MED1: variants seen among roughly 807,000 people sequenced by gnomAD.
MED1 encodes the protein mediator complex subunit 1, also known as mediator of RNA polymerase II transcription subunit 1.
In MED1, 17 loss-of-function variants were observed where a neutral mutation model predicts 121.3. That is an observed-to-expected ratio of 0.14 (90% CI 0.10 to 0.21). The LOEUF (loss-of-function observed/expected upper bound fraction) is 0.21, where lower values mean the gene tolerates loss of function less well. Ranked by LOEUF, MED1 falls within the 10% of genes least tolerant of loss-of-function variation. The pLI is 1.00. For missense variants in MED1, 1,558 were observed against 1,919.4 expected (o/e 0.81, Z 3.52); for synonymous variants, 661 against 694.4 (o/e 0.95, Z 0.76).
intron 16 of MED1, among the ~76,000 whole-genome samples, chr17:39,414,794 C>T (rs891014066): frequency 2.0e-5 from 3 of 151,624 alleles, no homozygotes; most frequent in Admixed American, 6.6e-5. Context: ...ATCAGCCTCC[C>T]GAGTAGCTGG....
rs143433691 is a variant in MED1 at position 39,427,212 on chromosome 17, C to T, written c.739+489G>A. Among the ~76,000 whole-genome samples the T allele has an allele frequency of 8.5e-5, 13 of 152,122 alleles. No individual in the cohort carries two copies. The East Asian group carries it at 2.1e-3, about 25-fold the overall frequency. ...TTTTTCTTTTTTTGAGATGGAGTCT[C>T]GCTCTGTCACCCAGACTGGAGTGCA... On this transcript the variant is annotated intron_variant, in intron 10 of 16. Coordinates refer to ENST00000300651, the MANE Select transcript of MED1 (RefSeq NM_004774.4).
intron 16 of MED1, 60 bp downstream of exon 16, chr17:39,414,966 C>T: frequency 6.6e-7 from 1 of 1,514,708 alleles, no homozygotes; most frequent in Non-Finnish European, 9.2e-7. Flanking sequence ...CCGCGCCCTA[C>T]TCAACAACAT....
Position 39,410,717 on chromosome 17 carries a change from T to A in MED1, c.1504A>T (p.Met502Leu). The A allele has an allele frequency of 6.3e-7, 1 of 1,593,344 alleles. No individual in the cohort carries two copies. Among genetic ancestry groups the A allele is most frequent in the Non-Finnish European group, 8.6e-7 (1 of 1,167,386 alleles). The change falls in exon 17 of 17, where the codon ATG becomes TTG. Residue 502 changes from methionine (M) to leucine (L), a missense_variant. Met to Leu is a conservative substitution (Grantham distance 15, BLOSUM62 2). Coordinates refer to ENST00000300651, the MANE Select transcript of MED1 (RefSeq NM_004774.4). ...GCCCTCATCGTCACAGGGATGGACA[T>A]ACATCTGCAAAATAAAGAAGAAAAC... ...DFIAKVVQRC[M>L]SIPVTMRAIR... is the part of the protein sequence containing the mutation.
At position 39,418,027 on chromosome 17, in the gene MED1, A is replaced by C. The variant is rs1266178161; in HGVS notation, c.1297+1690T>G. ...CTTGAACCTGGGAGGCGGAGGTTGCAGTGGGCCAAGATCATGCCACTGCAC... is the reference window on the plus strand; with the variant it reads ...CTTGAACCTGGGAGGCGGAGGTTGCCGTGGGCCAAGATCATGCCACTGCAC... On this transcript the variant is annotated intron_variant, in intron 14 of 16. Transcript: ENST00000300651. Among the ~76,000 whole-genome samples the C allele has an allele frequency of 3.2e-5, 4 of 125,744 alleles. No individual in the cohort carries two copies. In the East Asian group the frequency reaches 8.5e-4, roughly 27 times the overall value. The allele number at this position is 125,744 out of a possible 152,430, so 82.5% of individuals were successfully genotyped here.
At chr17:39,439,991 A>G (rs1323134097) in intron 5 of MED1, among the ~76,000 whole-genome samples, 1 of 126,980 alleles carries the variant, frequency 7.9e-6, no homozygotes, top group African/African-American at 2.7e-5. Context: ...AGAAAGAAGG[A>G]AGGAAGGAAG....
chr17:39,439,017 G>T (rs1398861714), intron 6 of MED1, 148 bp downstream of exon 6: 1 of 675,112 alleles, frequency 1.5e-6, no homozygotes, highest in Non-Finnish European at 2.5e-6. Flanking sequence ...GTCAATTCAG[G>T]ACGTGATTAA....
intron 9 of MED1, among the ~76,000 whole-genome samples, chr17:39,428,483 C>CAAA (rs1230618069): frequency 6.6e-6 from 1 of 151,270 alleles, no homozygotes; most frequent in African/African-American, 2.4e-5. Flanking sequence ...GACTCCGTCT[C>CAAA]AAAAATAATA....
intron 3 of MED1, among the ~76,000 whole-genome samples, chr17:39,442,812 G>A (rs1324371471): frequency 6.8e-6 from 1 of 147,730 alleles, no homozygotes; most frequent in African/African-American, 2.5e-5. Context: ...GGCTGAGGCA[G>A]GAGAATCGCT....
chr17:39,443,684 A>G, intron 2 of MED1, 56 bp from the exon 3 acceptor site: 1 of 1,372,638 alleles, frequency 7.3e-7, no homozygotes, highest in Non-Finnish European at 1.0e-6. Context: ...ACAGTGTTTT[A>G]GGTAAACATA....
At chr17:39,423,846 G>A (rs200345750) in intron 11 of MED1, 25 bp from the exon 12 acceptor site, 30 of 1,580,212 alleles carry the variant, frequency 1.9e-5, no homozygotes, top group Non-Finnish European at 2.5e-5. Flanking sequence ...GGGTGGAAGG[G>A]TTGGATTCTG....
In MED1 at chr17:39,419,895, G is replaced by A. The variant is rs773936917; in HGVS notation, c.1119C>T (p.Cys373=). The change falls in exon 14 of 17, where the codon TGC becomes TGT. Residue 373 remains cysteine (C), a synonymous_variant. Coordinates refer to ENST00000300651, the MANE Select transcript of MED1 (RefSeq NM_004774.4). ...GAGGAGCATCCTTGTTGAGGAAATA[G>A]CAGTGCTGCTGACCAGGAAGAGCCT... ...FYAALPGQQH[C]YFLNKDAPLP... The A allele has an allele frequency of 4.8e-5, 77 of 1,613,904 alleles. No individual in the cohort carries two copies. Among genetic ancestry groups the A allele is most frequent in the Non-Finnish European group, 5.2e-5 (61 of 1,179,950 alleles).
At chr17:39,422,404 T>C (rs1178796335) in intron 13 of MED1, among the ~76,000 whole-genome samples, 3 of 148,506 alleles carry the variant, frequency 2.0e-5, no homozygotes, top group African/African-American at 7.5e-5. Flanking sequence ...GACCTCGTGA[T>C]CCACCTGCCT....
intron 13 of MED1, among the ~76,000 whole-genome samples, chr17:39,420,660 G>A (rs1042597838): frequency 2.6e-5 from 4 of 151,712 alleles, no homozygotes; most frequent in Middle Eastern, 3.2e-3. Flanking sequence ...TTGAGACAGG[G>A]TTTCACTCCC....
rs760745747 is a variant in MED1 at position 39,424,632 on chromosome 17, A to C, written c.846T>G (p.Asn282Lys). The C allele has an allele frequency of 6.4e-7, 1 of 1,573,354 alleles. No homozygotes were observed. The highest frequency in any genetic ancestry group is 1.2e-5 in the South Asian group (1 of 86,866). The change falls in exon 11 of 17, where the codon AAT becomes AAG. Residue 282 changes from asparagine to lysine, a missense_variant. By Grantham distance (94) the Asn-to-Lys change is moderately conservative. Coordinates refer to ENST00000300651, the MANE Select transcript of MED1 (RefSeq NM_004774.4). Reference sequence around the variant, plus strand: ...TAAAATTATATTTAACTTACCATTTATTGTCAACTGGATGTGACCCCATAA... The same window carrying C: ...TAAAATTATATTTAACTTACCATTTCTTGTCAACTGGATGTGACCCCATAA... ...PLIMGSHPVD[N>K]KWTPSFSSIT...
At chr17:39,432,836 G>A (rs967246299) in intron 7 of MED1, among the ~76,000 whole-genome samples, 27 of 152,080 alleles carry the variant, frequency 1.8e-4, no homozygotes, top group Admixed American at 3.3e-4. Flanking sequence ...AGGCCGAAGC[G>A]GGTAGATCAC....
At chr17:39,437,541 A>C (rs1405893330) in intron 6 of MED1, among the ~76,000 whole-genome samples, 1 of 152,136 alleles carries the variant, frequency 6.6e-6, no homozygotes, top group Non-Finnish European at 1.5e-5. Context: ...GGAGCAAAGA[A>C]TTTTCCAATC....
chr17:39,405,841 T>C lies in MED1; in HGVS notation c.*1634A>G, dbSNP rs558508037. 6.1e-6 allele frequency: 6 copies of C among 985,720 alleles called. No individual in the cohort carries two copies. In the South Asian group the frequency reaches 2.3e-4, roughly 39 times the overall value. 61.1% of individuals were successfully genotyped at this position (985,720 alleles called of 1,614,324 possible). A position where few individuals can be genotyped will look rare whatever the true frequency, so the allele number is the denominator to read the frequency against. ...ACTCCAACCTGCAGAAAAAGCTGAA[T>C]ATAGAAATCTTCTTCCATATATGAT... On this transcript the variant is annotated 3_prime_UTR_variant, in exon 17 of 17. Transcript: ENST00000300651.
chr17:39,440,106 AAAAAG>A lies in MED1; in HGVS notation c.399+275_399+279del, dbSNP rs1213670383. On this transcript the variant is annotated intron_variant, in intron 5 of 16. Coordinates refer to ENST00000300651, the MANE Select transcript of MED1 (RefSeq NM_004774.4). This position sits in a 1 kb window ranked among gnomAD's most constrained non-coding sequence, Gnocchi z 4.1. ...CAAGCAAGCAAGAAAGAAAGAAAGA[AAAAAG>A]AAAGAAAAGAAAGAAAGGAAGGAAG... Among the ~76,000 whole-genome samples, 1 of 151,838 alleles carries A rather than the reference AAAAAG, an allele frequency of 6.6e-6. No individual in the cohort carries two copies. Among genetic ancestry groups the A allele is most frequent in the African/African-American group, 2.4e-5 (1 of 41,308 alleles).
rs1157035494 is a variant in MED1, at chr17:39,419,732, T to A, written c.1282A>T (p.Thr428Ser). The A allele has an allele frequency of 1.2e-6, 2 of 1,612,514 alleles. No individual in the cohort carries two copies. Among genetic ancestry groups the A allele is most frequent in the East Asian group, 4.5e-5 (2 of 44,886 alleles). Residue 428 changes from threonine to serine, a missense_variant, in exon 14 of 17, where the codon ACT (threonine) becomes TCT (serine). Thr to Ser is a moderately conservative substitution (Grantham distance 58). This residue lies in a region of MED1 where 443 missense variants were observed against 532.4 expected (regional missense o/e 0.83). Coordinates refer to ENST00000300651, the MANE Select transcript of MED1 (RefSeq NM_004774.4). ...NTLIGSCVKR[T>S]ILKEDSPGLL... is the part of the protein sequence containing the mutation. Reference sequence around the variant, plus strand: ...AAGGCAGTACCTTCTTTCAGAATAGTTCTTTTGACACAGCTTCCAATGAGG... The same window carrying A: ...AAGGCAGTACCTTCTTTCAGAATAGATCTTTTGACACAGCTTCCAATGAGG...
Sources: gnomAD v4.1 joint callset for allele counts (sites outside exome capture counted in the v4.1 genomes callset) on GRCh38, gnomAD v4.1.1 for gene constraint, gnomAD v4.1.1 regional missense constraint, Gnocchi (gnomAD v3.1) non-coding constraint, MANE v1.5 for transcripts, NCBI Gene and HGNC (gene_info 2026-07-23, HGNC 2026-07-21) for gene names.